COL11A1: variants seen among roughly 807,000 people sequenced by gnomAD.
COL11A1 encodes collagen type XI alpha 1 chain.
COL11A1 carries 74 observed loss-of-function variants against 265.2 expected under a neutral mutation model. The observed-to-expected ratio is 0.28, with a 90% confidence interval of 0.23 to 0.34. COL11A1 has a LOEUF of 0.34. Ranked by LOEUF, COL11A1 falls within the 10% of genes least tolerant of loss-of-function variation. The probability of loss-of-function intolerance (pLI) is 1.00; values close to 1 mark genes in which losing one functional copy is unlikely to be tolerated. For synonymous variants in COL11A1, 816 were observed against 727.6 expected, an observed-to-expected ratio of 1.12 and a Z score of -1.96; for missense variants, 2,165 against 2,263.6, an observed-to-expected ratio of 0.96 and a Z score of 0.88.
At chr1:102,957,960 T>TAAATA (rs1660530728) in intron 41 of COL11A1, among the ~76,000 whole-genome samples, 1 of 152,124 alleles carries the variant, frequency 6.6e-6, no homozygotes, top group South Asian at 2.1e-4. Context: ...CCTTTTCTAT[T>TAAATA]TCCTTTAGAC....
At chr1:103,079,559 T>G (rs1214386465) in intron 2 of COL11A1, among the ~76,000 whole-genome samples, 1 of 152,034 alleles carries the variant, frequency 6.6e-6, no homozygotes, top group Non-Finnish European at 1.5e-5. Flanking sequence ...TATAAATATA[T>G]CAGTTAAACA....
intron 14 of COL11A1, among the ~76,000 whole-genome samples, chr1:103,010,147 T>A (rs1665980613): frequency 6.6e-6 from 1 of 152,206 alleles, no homozygotes; most frequent in South Asian, 2.1e-4. Context: ...GTCCTCCATT[T>A]GTCTATAAAG....
intron 43 of COL11A1, 120 bp from the exon 44 acceptor site, chr1:102,939,208 G>A (rs1570797204): frequency 2.2e-6 from 2 of 903,416 alleles, no homozygotes; most frequent in Non-Finnish European, 3.6e-6. Context: ...TAATGTCACT[G>A]TTTAAAATGG....
intron 41 of COL11A1, 174 bp downstream of exon 41, chr1:102,961,692 C>G: frequency 1.6e-6 from 1 of 622,482 alleles, no homozygotes. Flanking sequence ...CCAAACCCTT[C>G]TGTTTCTGCA....
intron 37 of COL11A1, among the ~76,000 whole-genome samples, chr1:102,968,613 A>C (rs1313453955): frequency 6.6e-6 from 1 of 152,230 alleles, no homozygotes; most frequent in Non-Finnish European, 1.5e-5. Context: ...TGACTCCTGT[A>C]CAAGGTGATC....
chr1:102,986,409 G>A (rs760221644), intron 30 of COL11A1, among the ~76,000 whole-genome samples: 77 of 113,316 alleles, frequency 6.8e-4, no homozygotes, highest in Non-Finnish European at 1.1e-3. Flanking sequence ...ACCAGGGCCT[G>A]TTGTGGGGTG....
At chr1:102,979,703 T>C (rs1662854459) in intron 31 of COL11A1, 3 of 483,934 alleles carry the variant, frequency 6.2e-6, no homozygotes, top group Non-Finnish European at 1.1e-5. Context: ...CATCTCTTGT[T>C]ATAAAACAGT....
intron 1 of COL11A1, among the ~76,000 whole-genome samples, chr1:103,090,704 CAT>C (rs1329427108): frequency 3.3e-5 from 5 of 152,256 alleles, no homozygotes; most frequent in Admixed American, 2.6e-4. Context: ...ATGCATAATA[CAT>C]ATTCAATAAA....
At chr1:103,042,701 T>A (rs997552829) in intron 4 of COL11A1, among the ~76,000 whole-genome samples, 1 of 151,982 alleles carries the variant, frequency 6.6e-6, no homozygotes, top group East Asian at 1.9e-4. Context: ...GAACTACAGC[T>A]CCTCACTGAG....
chr1:102,913,547 G>A (rs1016037115), intron 53 of COL11A1, 90 bp downstream of exon 53: 4 of 1,282,932 alleles, frequency 3.1e-6, no homozygotes, highest in African/African-American at 2.9e-5. Context: ...ATAGAGCTAT[G>A]TTTTTCAAAG....
intron 45 of COL11A1, among the ~76,000 whole-genome samples, 157 bp downstream of exon 45, chr1:102,934,903 G>A (rs1657982743): frequency 6.6e-6 from 1 of 152,182 alleles, no homozygotes; most frequent in Non-Finnish European, 1.5e-5. Flanking sequence ...CTAAGAATCA[G>A]CACGGCTAGC....
intron 12 of COL11A1, 40 bp from the exon 13 acceptor site, chr1:103,014,634 G>T: frequency 6.5e-7 from 1 of 1,530,810 alleles, no homozygotes; most frequent in Non-Finnish European, 9.0e-7. Context: ...AATTAGCTTT[G>T]TCAAACATGT....
At chr1:103,068,784 G>T (rs1430245987) in intron 4 of COL11A1, among the ~76,000 whole-genome samples, 1 of 150,302 alleles carries the variant, frequency 6.7e-6, no homozygotes, top group African/African-American at 2.4e-5. Flanking sequence ...ATATTAGGAA[G>T]AAAATATTCA....
chr1:103,101,856 C>G (rs1674297281), intron 1 of COL11A1, among the ~76,000 whole-genome samples: 1 of 151,964 alleles, frequency 6.6e-6, no homozygotes, highest in Admixed American at 6.6e-5. Flanking sequence ...GTCTCTTACT[C>G]TGAAATATGA....
intron 1 of COL11A1, among the ~76,000 whole-genome samples, chr1:103,106,765 G>A (rs986367754): frequency 2.0e-5 from 3 of 152,112 alleles, no homozygotes; most frequent in African/African-American, 7.2e-5. Context: ...TGCTACTCGG[G>A]AAGCTGAAAG....
intron 4 of COL11A1, among the ~76,000 whole-genome samples, chr1:103,062,819 G>T (rs1670774465): frequency 6.6e-6 from 1 of 151,800 alleles, no homozygotes; most frequent in South Asian, 2.1e-4. Context: ...CTTTTCCACA[G>T]ATTACATAAT....
intron 42 of COL11A1, among the ~76,000 whole-genome samples, chr1:102,945,860 A>T (rs974477047): frequency 2.0e-5 from 3 of 152,076 alleles, no homozygotes; most frequent in Admixed American, 6.6e-5. Flanking sequence ...TCATGCTGCC[A>T]TAAAGACACA....
intron 48 of COL11A1, among the ~76,000 whole-genome samples, chr1:102,921,312 A>G (rs1162731948): frequency 6.6e-6 from 1 of 152,118 alleles, no homozygotes; most frequent in Non-Finnish European, 1.5e-5. Context: ...ATGTGTACCT[A>G]TGTTACATTT....
intron 42 of COL11A1, among the ~76,000 whole-genome samples, chr1:102,944,879 G>A (rs1659094155): frequency 6.6e-6 from 1 of 151,846 alleles, no homozygotes; most frequent in Admixed American, 6.6e-5. Context: ...TAATTAATTT[G>A]TATTAAAGGA....
Sources: gnomAD v4.1 joint callset for allele counts (sites outside exome capture counted in the v4.1 genomes callset) on GRCh38, gnomAD v4.1.1 for gene constraint, MANE v1.5 for transcripts, NCBI Gene and HGNC (gene_info 2026-07-23, HGNC 2026-07-21) for gene names.